The following AGTPBP1 variants were observed in gnomAD, a reference collection of about 807,000 sequenced individuals.
AGTPBP1 encodes ATP/GTP binding carboxypeptidase 1.
In AGTPBP1, 70 loss-of-function variants were observed where a neutral mutation model predicts 143.9. That is an observed-to-expected ratio of 0.49 (90% confidence interval 0.40 to 0.59). The LOEUF (loss-of-function observed/expected upper bound fraction) is 0.59. Ranked by LOEUF, AGTPBP1 falls within the 20% of genes least tolerant of loss-of-function variation. The pLI, the probability that AGTPBP1 is intolerant of heterozygous loss-of-function variation, is 0.00. For missense variants in AGTPBP1, 1,229 were observed against 1,464.5 expected (o/e 0.84, Z 2.62); for synonymous variants, 463 against 500.2 (o/e 0.93, Z 0.99).
chr9:85,701,092 A>T (rs1184512016), intron 2 of AGTPBP1, among the ~76,000 whole-genome samples: 1 of 151,524 alleles, frequency 6.6e-6, no homozygotes, highest in African/African-American at 2.4e-5. Context: ...TAAGTTTTGT[A>T]TTAGAGATGG....
intron 1 of AGTPBP1, among the ~76,000 whole-genome samples, chr9:85,713,293 G>C (rs960815429): frequency 6.6e-6 from 1 of 152,158 alleles, no homozygotes; most frequent in African/African-American, 2.4e-5. Context: ...CACTTTGGGG[G>C]GCCAAGGCAG....
chr9:85,747,292 T>C, the AGTPBP1 span, among the ~76,000 whole-genome samples: 1 of 152,240 alleles, frequency 6.6e-6, no homozygotes, highest in South Asian at 2.1e-4. Context: ...ATATTAAGTC[T>C]TGAAATCAGG....
rs956882898 is a variant in AGTPBP1 at position 85,573,152 on chromosome 9, G to C, written c.3503+2163C>G. Among the ~76,000 whole-genome samples the C allele has an allele frequency of 4.0e-5, 6 of 150,996 alleles. No individual in the cohort carries two copies. The East Asian group carries it at 9.8e-4, about 25-fold the overall frequency. ...CTTTCCACAGTCTCCCTCTGATGCC[G>C]AGCCGAAGCTGGACTGTACTGCTGC... On this transcript the variant is annotated intron_variant, in intron 25 of 25. Coordinates refer to ENST00000357081, the MANE Select transcript of AGTPBP1 (RefSeq NM_001330701.2).
chr9:85,682,172 T>TAAAA lies in AGTPBP1; in HGVS notation c.158-841_158-838dup, dbSNP rs745339958. Among the ~76,000 whole-genome samples the TAAAA allele has an allele frequency of 2.4e-3, 204 of 85,794 alleles. 9 individuals carry two copies. Among genetic ancestry groups the TAAAA allele is most frequent in the African/African-American group, 8.1e-3 (182 of 22,546 alleles). The allele number at this position is 85,794 out of a possible 152,430, so 56.3% of individuals were successfully genotyped here. A position where few individuals can be genotyped will look rare whatever the true frequency, so the allele number is the denominator to read the frequency against. On this transcript the variant is annotated intron_variant, in intron 3 of 25. Coordinates refer to ENST00000357081, the MANE Select transcript of AGTPBP1 (RefSeq NM_001330701.2). ...TCCTTTTCCTCTCATTAGGATTGGT[T>TAAAA]AAAAAAAAAAAAAAAAAAAAAAAAA... is the stretch of plus-strand genomic sequence containing the variant.
At chr9:85,631,293 C>A (rs75870571) in intron 14 of AGTPBP1, among the ~76,000 whole-genome samples, 119 of 152,348 alleles carry the variant, frequency 7.8e-4, no homozygotes, top group African/African-American at 2.8e-3. Context: ...TCTGTTCCCA[C>A]CTCCTGGTTC....
chr9:85,774,209 T>C, the AGTPBP1 span, among the ~76,000 whole-genome samples: 46 of 152,306 alleles, frequency 3.0e-4, no homozygotes, highest in Non-Finnish European at 4.4e-5. Flanking sequence ...GTTGACTTTG[T>C]TGTAGGGCTA....
At chr9:85,559,794 G>A (rs914660603) in intron 25 of AGTPBP1, among the ~76,000 whole-genome samples, 1 of 152,118 alleles carries the variant, frequency 6.6e-6, no homozygotes, top group Non-Finnish European at 1.5e-5. Context: ...TAGCACAACA[G>A]TTCCGAGAAA....
At chr9:85,776,925 G>A in the AGTPBP1 span, among the ~76,000 whole-genome samples, 1 of 152,176 alleles carries the variant, frequency 6.6e-6, no homozygotes, top group Non-Finnish European at 1.5e-5. Flanking sequence ...GGAAGAAACA[G>A]TACCATATAC....
intron 24 of AGTPBP1, among the ~76,000 whole-genome samples, chr9:85,575,950 A>C (rs1044259534): frequency 6.6e-6 from 1 of 152,220 alleles, no homozygotes; most frequent in Non-Finnish European, 1.5e-5. Context: ...TTGATCAGTA[A>C]AAAGCAAATA....
intron 7 of AGTPBP1, among the ~76,000 whole-genome samples, chr9:85,670,154 G>T (rs1375461817): frequency 6.6e-6 from 1 of 152,096 alleles, no homozygotes; most frequent in Non-Finnish European, 1.5e-5. Flanking sequence ...TCTGGACACA[G>T]GAATAATACA....
At chr9:85,726,255 A>G (rs1756720100) in intron 1 of AGTPBP1, among the ~76,000 whole-genome samples, 1 of 151,850 alleles carries the variant, frequency 6.6e-6, no homozygotes, top group Admixed American at 6.6e-5. Flanking sequence ...AAAAACAAAA[A>G]AAAAGAAAAA....
At chr9:85,760,528 G>T in the AGTPBP1 span, among the ~76,000 whole-genome samples, 1 of 136,414 alleles carries the variant, frequency 7.3e-6, no homozygotes, top group East Asian at 1.9e-4. Context: ...CCACATGATT[G>T]TCTCAATAGA....
At chr9:85,772,954 G>A in the AGTPBP1 span, among the ~76,000 whole-genome samples, 51 of 151,966 alleles carry the variant, frequency 3.4e-4, no homozygotes, top group African/African-American at 1.2e-3. Flanking sequence ...GTGATCATTA[G>A]AGCAACAATA....
the AGTPBP1 span, among the ~76,000 whole-genome samples, chr9:85,798,911 C>T: frequency 1.3e-5 from 2 of 152,004 alleles, no homozygotes; most frequent in Non-Finnish European, 2.9e-5. Flanking sequence ...CAGTCTGATA[C>T]ATAGGTATAC....
chr9:85,739,558 C>T (rs956885739), intron 1 of AGTPBP1, among the ~76,000 whole-genome samples: 15 of 151,552 alleles, frequency 9.9e-5, no homozygotes, highest in East Asian at 1.9e-4. Flanking sequence ...AAAACAAAAA[C>T]TTAGCCGGGC....
At chr9:85,572,004 GTTTTTTTTTTTTTTTTTTTTTTTTT>G (rs55882437) in intron 25 of AGTPBP1, among the ~76,000 whole-genome samples, 1 of 43,434 alleles carries the variant, frequency 2.3e-5, no homozygotes, top group African/African-American at 6.4e-5. Flanking sequence ...GTTTGTGTGT[GTTTTTTTTTTTTTTTTTTTTTTTTT>G]TTTTTTTTTT....
chr9:85,722,516 T>C (rs1157024249), intron 1 of AGTPBP1, among the ~76,000 whole-genome samples: 1 of 152,228 alleles, frequency 6.6e-6, no homozygotes, highest in East Asian at 1.9e-4. Context: ...GGTTTTCAGC[T>C]CCATGAGGTA....
chr9:85,732,437 T>C (rs1429977577), intron 1 of AGTPBP1, among the ~76,000 whole-genome samples: 1 of 151,952 alleles, frequency 6.6e-6, no homozygotes, highest in African/African-American at 2.4e-5. Context: ...GACGGGACTA[T>C]GAAGAAACCA....
At chr9:85,600,384 G>T (rs1325629248) in intron 17 of AGTPBP1, among the ~76,000 whole-genome samples, 1 of 152,168 alleles carries the variant, frequency 6.6e-6, no homozygotes, top group East Asian at 1.9e-4. Context: ...GCTTCAAGAT[G>T]GCTGACTAGA....
Sources: gnomAD v4.1 joint callset for allele counts (sites outside exome capture counted in the v4.1 genomes callset) on GRCh38, gnomAD v4.1.1 for gene constraint, MANE v1.5 for transcripts, NCBI Gene and HGNC (gene_info 2026-07-23, HGNC 2026-07-21) for gene names.